The following OPCML variants were observed in gnomAD, a reference collection of about 807,000 sequenced individuals.
The protein encoded by OPCML is opioid-binding protein/cell adhesion molecule.
In OPCML, 13 loss-of-function variants were observed where a neutral mutation model predicts 37.8. The observed-to-expected ratio is 0.34, with a 90% CI of 0.22 to 0.55. OPCML has a LOEUF of 0.55. Among genes scored for constraint, OPCML ranks in the 20% least tolerant of loss-of-function variants. The pLI is 0.91. For missense variants in OPCML, 341 were observed against 435.6 expected, an observed-to-expected ratio of 0.78 and a Z score of 1.93; for synonymous variants, 176 against 168.8, an observed-to-expected ratio of 1.04 and a Z score of -0.33.
intron 7 of OPCML, among the ~76,000 whole-genome samples, chr11:132,421,994 A>T (rs2095960906): frequency 6.6e-6 from 1 of 152,134 alleles, no homozygotes; most frequent in African/African-American, 2.4e-5. Flanking sequence ...TTTTAAAGAA[A>T]CATATGGGCA....
At chr11:132,479,799 C>T (rs554035370) in intron 4 of OPCML, among the ~76,000 whole-genome samples, 1 of 152,136 alleles carries the variant, frequency 6.6e-6, no homozygotes, top group African/African-American at 2.4e-5. Flanking sequence ...CTCCAACAGA[C>T]CTGCAGCTGA....
chr11:132,792,312 G>A lies in OPCML; in HGVS notation c.147-134993C>T, dbSNP rs972976065. Among the ~76,000 whole-genome samples, 168 of 152,204 alleles carry A rather than the reference G, an allele frequency of 1.1e-3. 1 individual carries two copies. Among genetic ancestry groups the A allele is most frequent in the African/African-American group, 3.9e-3 (164 of 41,526 alleles). On this transcript the variant is annotated intron_variant, in intron 2 of 7. Transcript: ENST00000524381. ...AAAGAGAAAAAAAAAAGTGCTGAGGGAGTATGGAATTCAGAGAATTAAAAT... is the reference window on the plus strand; with the variant it reads ...AAAGAGAAAAAAAAAAGTGCTGAGGAAGTATGGAATTCAGAGAATTAAAAT...
chr11:133,296,252 G>T (rs1942626015), intron 1 of OPCML, among the ~76,000 whole-genome samples: 1 of 152,146 alleles, frequency 6.6e-6, no homozygotes, highest in Non-Finnish European at 1.5e-5. Context: ...GGGATTTCTG[G>T]TAGTAATACT....
At position 132,632,756 on chromosome 11, in the gene OPCML, A is replaced by G. The variant is rs181825561; in HGVS notation, c.379+24331T>C. On this transcript the variant is annotated intron_variant, in intron 3 of 7. Coordinates refer to ENST00000524381, the MANE Select transcript of OPCML (RefSeq NM_001012393.5). ...CATATCCGCCTTTCAGTTGTCACAT[A>G]GCCAAACTATGCAAATGTGGCCATC... Among the ~76,000 whole-genome samples, 307 of 152,256 alleles carry G rather than the reference A, an allele frequency of 2.0e-3. 1 individual carries two copies. Among genetic ancestry groups the G allele is most frequent in the South Asian group, 7.5e-3 (36 of 4,812 alleles).
intron 1 of OPCML, among the ~76,000 whole-genome samples, chr11:133,122,554 C>A (rs1363070185): frequency 1.3e-5 from 2 of 152,140 alleles, no homozygotes; most frequent in Non-Finnish European, 2.9e-5. Flanking sequence ...CATTCCAGCA[C>A]ATGCACATGG....
intron 2 of OPCML, among the ~76,000 whole-genome samples, chr11:132,763,447 T>C (rs772766835): frequency 6.6e-6 from 1 of 152,166 alleles, no homozygotes; most frequent in African/African-American, 2.4e-5. Flanking sequence ...GGAGTTAAGA[T>C]TGCACCCACA....
At chr11:132,739,012 C>T (rs1473968626) in intron 2 of OPCML, among the ~76,000 whole-genome samples, 2 of 152,026 alleles carry the variant, frequency 1.3e-5, no homozygotes, top group African/African-American at 4.8e-5. Flanking sequence ...AACCCCAGCA[C>T]GTTTGCGTAA....
At chr11:133,469,876 A>T (rs1947065942) in intron 1 of OPCML, among the ~76,000 whole-genome samples, 1 of 152,218 alleles carries the variant, frequency 6.6e-6, no homozygotes, top group Admixed American at 6.5e-5. Flanking sequence ...CCATTCTTAA[A>T]GAGGCTTTCA....
chr11:132,511,275 G>A (rs11223098), intron 4 of OPCML, among the ~76,000 whole-genome samples: 2 of 151,938 alleles, frequency 1.3e-5, no homozygotes, highest in Non-Finnish European at 2.9e-5. Context: ...AGAAAAATTA[G>A]CCAAGACTTA....
At chr11:133,222,680 CTG>C (rs1939887860) in intron 1 of OPCML, among the ~76,000 whole-genome samples, 1 of 152,154 alleles carries the variant, frequency 6.6e-6, no homozygotes, top group African/African-American at 2.4e-5. Flanking sequence ...AATTATGTAG[CTG>C]TCTTCATCTA....
intron 2 of OPCML, among the ~76,000 whole-genome samples, chr11:132,712,182 T>A (rs908543171): frequency 9.9e-5 from 15 of 152,178 alleles, no homozygotes; most frequent in African/African-American, 3.6e-4. Context: ...TTGGATGTTG[T>A]CGGCAATTGA....
At chr11:133,098,804 T>C (rs1036356532) in intron 1 of OPCML, among the ~76,000 whole-genome samples, 2 of 152,168 alleles carry the variant, frequency 1.3e-5, no homozygotes, top group African/African-American at 4.8e-5. Flanking sequence ...CATCCTTGTA[T>C]TGGAAATTCT....
At chr11:133,510,864 T>G (rs558673292) in intron 1 of OPCML, among the ~76,000 whole-genome samples, 8 of 151,674 alleles carry the variant, frequency 5.3e-5, no homozygotes, top group Non-Finnish European at 1.2e-4. Flanking sequence ...CAGCTTTACA[T>G]GTCATTGATA....
At chr11:132,845,360 GA>G (rs1463172856) in intron 2 of OPCML, among the ~76,000 whole-genome samples, 2 of 152,138 alleles carry the variant, frequency 1.3e-5, no homozygotes, top group Non-Finnish European at 2.9e-5. Context: ...AACAGCTTAA[GA>G]AAAGCATCTT....
intron 3 of OPCML, among the ~76,000 whole-genome samples, chr11:132,564,215 C>T (rs920620588): frequency 7.9e-5 from 12 of 152,182 alleles, no homozygotes; most frequent in Admixed American, 2.6e-4. Context: ...ATAAAGTCTC[C>T]AAGAGCCAAG....
In OPCML at chr11:132,821,858, C is replaced by T. The variant is rs537266150; in HGVS notation, c.146+121068G>A. ...CTGCCTCATGCATATGCATTGCACT[C>T]GGTTGGATTCAATCTCCCATGGCTT... On this transcript the variant is annotated intron_variant, in intron 2 of 7. Transcript: ENST00000524381. Among the ~76,000 whole-genome samples, 11 of 152,216 alleles carry T rather than the reference C, an allele frequency of 7.2e-5. No homozygotes were observed. In the South Asian group the frequency reaches 2.1e-3, roughly 29 times the overall value.
chr11:132,847,065 T>C (rs1342783944), intron 2 of OPCML, among the ~76,000 whole-genome samples: 1 of 152,176 alleles, frequency 6.6e-6, no homozygotes, highest in East Asian at 1.9e-4. Flanking sequence ...GATAATATGA[T>C]ACATCTTGGA....
At chr11:132,590,514 AGG>A (rs1216497399) in intron 3 of OPCML, among the ~76,000 whole-genome samples, 1 of 152,208 alleles carries the variant, frequency 6.6e-6, no homozygotes, top group Non-Finnish European at 1.5e-5. Context: ...GTGGTTTATA[AGG>A]CCATGTTATG....
At chr11:132,757,108 T>C (rs1484385525) in intron 2 of OPCML, among the ~76,000 whole-genome samples, 4 of 152,232 alleles carry the variant, frequency 2.6e-5, no homozygotes, top group African/African-American at 9.6e-5. Context: ...GCTTCATCCA[T>C]GTCCCTCCAA....
Sources: allele counts gnomAD v4.1 joint callset (sites outside exome capture counted in the v4.1 genomes callset), GRCh38; gene constraint gnomAD v4.1.1; transcripts MANE v1.5; gene names NCBI Gene and HGNC (gene_info 2026-07-23, HGNC 2026-07-21).